The following WDR72 variants were observed in gnomAD, a reference collection of about 807,000 sequenced individuals.
WDR72 encodes WD repeat-containing protein 72.
In WDR72, 120 loss-of-function variants were observed where a neutral mutation model predicts 124.2. The observed-to-expected ratio is 0.97, with a 90% CI of 0.83 to 1.12. The LOEUF (loss-of-function observed/expected upper bound fraction) is 1.12. Ranked by LOEUF, WDR72 falls within the 50% of genes most tolerant of loss-of-function variation. The pLI, the probability that WDR72 is intolerant of heterozygous loss-of-function variation, is 0.00. For synonymous variants in WDR72, 452 were observed against 441.7 expected, an observed-to-expected ratio of 1.02 and a Z score of -0.29; for missense variants, 1,387 against 1,278.8, an observed-to-expected ratio of 1.08 and a Z score of -1.29.
chr15:53,714,345 C>T, intron 6 of WDR72, 89 bp downstream of exon 6: 1 of 1,043,468 alleles, frequency 9.6e-7, no homozygotes, highest in South Asian at 1.3e-5. Context: ...GAACTTTTGA[C>T]AATAAACATG....
rs773864751 is a variant in WDR72, at chr15:53,613,738, T to C, written c.2800A>G (p.Ile934Val). ...CCAGCACCTCTCATCTTATTATGTATACTTTCCATTCTGAAAGAACTGTTA... is the reference window on the plus strand; with the variant it reads ...CCAGCACCTCTCATCTTATTATGTACACTTTCCATTCTGAAAGAACTGTTA... ...RVGSSFRMES[I>V]HNKMRGAGND... Residue 934 changes from isoleucine to valine, a missense_variant, in exon 16 of 20, where the codon ATA (isoleucine) becomes GTA (valine). Transcript: ENST00000360509. The C allele has an allele frequency of 3.7e-6, 6 of 1,607,174 alleles. No individual in the cohort carries two copies. The African/African-American group carries it at 5.4e-5, about 14-fold the overall frequency.
chr15:53,548,475 G>C (rs1187209492), intron 18 of WDR72, among the ~76,000 whole-genome samples: 1 of 152,164 alleles, frequency 6.6e-6, no homozygotes, highest in Non-Finnish European at 1.5e-5. Context: ...GAGTGATTTT[G>C]AGAAGAGAGA....
intron 12 of WDR72, among the ~76,000 whole-genome samples, chr15:53,700,603 T>C (rs184529512): frequency 6.6e-6 from 1 of 152,328 alleles, no homozygotes; most frequent in Admixed American, 6.5e-5. Context: ...AGGTGGATTC[T>C]AATGATCTAG....
rs2140198807 is a variant in WDR72 at position 53,519,003 on chromosome 15, T to C, written c.3254-1249A>G. ...TGGAAACACTTACGTAAATGCATTTTGTTGGACTTCTAATTCTCTCTTGTC... is the reference window on the plus strand; with the variant it reads ...TGGAAACACTTACGTAAATGCATTTCGTTGGACTTCTAATTCTCTCTTGTC... On this transcript the variant is annotated intron_variant, in intron 19 of 19. Coordinates refer to ENST00000360509, the MANE Select transcript of WDR72 (RefSeq NM_182758.4). Among the ~76,000 whole-genome samples, 3 of 152,246 alleles carry C rather than the reference T, an allele frequency of 2.0e-5. 1 individual carries two copies. The highest frequency in any genetic ancestry group is 2.0e-4 in the Admixed American group (3 of 15,270).
chr15:53,724,355 G>T (rs2017960525), intron 2 of WDR72, among the ~76,000 whole-genome samples: 1 of 152,138 alleles, frequency 6.6e-6, no homozygotes, highest in Non-Finnish European at 1.5e-5. Flanking sequence ...TAATTTGATT[G>T]TTGTATTAGT....
At chr15:53,573,305 A>G (rs1894622221) in intron 18 of WDR72, among the ~76,000 whole-genome samples, 1 of 152,220 alleles carries the variant, frequency 6.6e-6, no homozygotes, top group Non-Finnish European at 1.5e-5. Context: ...GAAATTCCAC[A>G]TTAATTGTTC....
At chr15:53,689,508 A>G (rs2016763933) in intron 13 of WDR72, among the ~76,000 whole-genome samples, 2 of 149,086 alleles carry the variant, frequency 1.3e-5, no homozygotes, top group African/African-American at 5.1e-5. Flanking sequence ...AATCAAAACC[A>G]CAATGAGATA....
intron 14 of WDR72, among the ~76,000 whole-genome samples, chr15:53,631,714 G>A (rs1480226163): frequency 6.6e-6 from 1 of 152,174 alleles, no homozygotes; most frequent in Non-Finnish European, 1.5e-5. Flanking sequence ...AGGTCACTTT[G>A]TTATGCTTTA....
intron 17 of WDR72, among the ~76,000 whole-genome samples, chr15:53,607,786 A>C (rs571722940): frequency 1.3e-5 from 2 of 152,358 alleles, no homozygotes; most frequent in East Asian, 3.9e-4. Flanking sequence ...CCCAGAGTAT[A>C]CAGGGAGCTC....
At chr15:53,596,335 C>A (rs1187251356) in intron 18 of WDR72, among the ~76,000 whole-genome samples, 2 of 151,898 alleles carry the variant, frequency 1.3e-5, no homozygotes, top group African/African-American at 2.4e-5. Flanking sequence ...TAAGTAACAG[C>A]TAACATTACG....
chr15:53,759,168 A>C (rs79827144), intron 1 of WDR72: 47,418 of 151,920 alleles, frequency 0.31, 8,050 homozygotes, highest in South Asian at 0.47. Context: ...TCAGCTTTAA[A>C]ATTAATTCGA....
rs1449201983 is a variant in WDR72 at position 53,662,501 on chromosome 15, A to G, written c.1962+3071T>C. 2.6e-5 allele frequency among the ~76,000 whole-genome samples: 4 copies of G among 152,312 alleles called. No homozygotes were observed. In the East Asian group the frequency reaches 7.7e-4, roughly 29 times the overall value. On this transcript the variant is annotated intron_variant, in intron 14 of 19. Transcript: ENST00000360509. ...AAACAGTTCATTCTATTGTTGGAGA[A>G]TATTTCACCTGTGTCTTACTAAAAT... is the stretch of plus-strand genomic sequence containing the variant.
chr15:53,733,300 G>C, intron 1 of WDR72, 139 bp from the exon 2 acceptor site: 7 of 894,980 alleles, frequency 7.8e-6, no homozygotes, highest in Non-Finnish European at 1.2e-5. Flanking sequence ...GTGTTTCCCC[G>C]TCAATTAGAA....
At chr15:53,583,351 T>A (rs2012032607) in intron 18 of WDR72, among the ~76,000 whole-genome samples, 1 of 152,060 alleles carries the variant, frequency 6.6e-6, no homozygotes, top group Admixed American at 6.6e-5. Flanking sequence ...TTTTAGTATC[T>A]AAAAATAGTG....
At chr15:53,661,638 T>C (rs1355783543) in intron 14 of WDR72, among the ~76,000 whole-genome samples, 2 of 152,054 alleles carry the variant, frequency 1.3e-5, no homozygotes, top group Non-Finnish European at 2.9e-5. Context: ...CTAATACAAA[T>C]AGAATGAAAA....
In WDR72 at chr15:53,673,267, G is replaced by A. The variant is rs1198963952; in HGVS notation, c.1766-7499C>T. Among the ~76,000 whole-genome samples the A allele has an allele frequency of 2.0e-5, 3 of 151,816 alleles. No homozygotes were observed. In the East Asian group the frequency reaches 5.8e-4, roughly 29 times the overall value. ...ATACTTCCTCCTACAAATTAACTCG[G>A]TCCACTAAGTCTATGAAAAAAAAGA... On this transcript the variant is annotated intron_variant, in intron 13 of 19. Transcript: ENST00000360509.
chr15:53,722,032 T>A (rs982281532), intron 3 of WDR72, among the ~76,000 whole-genome samples: 1 of 136,398 alleles, frequency 7.3e-6, no homozygotes, highest in Non-Finnish European at 1.7e-5. Flanking sequence ...TTATTTATTT[T>A]TATTTTTTAT....
At chr15:53,669,455 C>G (rs1419634260) in intron 13 of WDR72, among the ~76,000 whole-genome samples, 2 of 152,166 alleles carry the variant, frequency 1.3e-5, no homozygotes, top group African/African-American at 4.8e-5. Flanking sequence ...TCCTTCACAT[C>G]TGCTATTCCT....
intron 14 of WDR72, among the ~76,000 whole-genome samples, chr15:53,649,710 G>A (rs1372424900): frequency 6.6e-6 from 1 of 152,026 alleles, no homozygotes; most frequent in Non-Finnish European, 1.5e-5. Context: ...TCAAAGAAAT[G>A]CAAATCAAAA....
Sources: gnomAD v4.1 joint callset for allele counts (sites outside exome capture counted in the v4.1 genomes callset) on GRCh38, gnomAD v4.1.1 for gene constraint, MANE v1.5 for transcripts, NCBI Gene and HGNC (gene_info 2026-07-23, HGNC 2026-07-21) for gene names.